Variants in SEMA6D observed in about 807,000 individuals in gnomAD.
SEMA6D encodes semaphorin 6D.
Under a neutral mutation model 106.6 loss-of-function variants are expected in SEMA6D, and 35 were observed. The ratio of observed to expected loss-of-function variants is 0.33; its 90% CI spans 0.25 to 0.44. The LOEUF is 0.44. SEMA6D is among the 20% of genes least tolerant of loss of function. SEMA6D has a pLI of 1.00. For synonymous variants in SEMA6D, 499 were observed against 487.7 expected (o/e 1.02, Z -0.31); for missense variants, 1,185 against 1,345.9 (o/e 0.88, Z 1.87).
At chr15:47,209,921 C>T (rs1486134803) in intron 1 of SEMA6D, among the ~76,000 whole-genome samples, 2 of 152,316 alleles carry the variant, frequency 1.3e-5, no homozygotes, top group Non-Finnish European at 2.9e-5. Flanking sequence ...GAATGACCAG[C>T]AGTTCTTGTA....
At chr15:47,729,272 A>T (rs1244589284) in intron 1 of SEMA6D, among the ~76,000 whole-genome samples, 1 of 152,248 alleles carries the variant, frequency 6.6e-6, no homozygotes, top group Non-Finnish European at 1.5e-5. Context: ...GTAACAACAC[A>T]AACATTGACC....
chr15:47,215,053 C>G (rs959874335), intron 1 of SEMA6D, among the ~76,000 whole-genome samples: 1 of 151,358 alleles, frequency 6.6e-6, no homozygotes, highest in African/African-American at 2.4e-5. Context: ...CAGACCTAAG[C>G]TTCATTCTAG....
intron 1 of SEMA6D, among the ~76,000 whole-genome samples, chr15:47,288,051 C>A (rs2035447494): frequency 2.6e-5 from 4 of 152,102 alleles, no homozygotes; most frequent in Admixed American, 6.5e-5. Context: ...ATGATCAGAT[C>A]TTTTGTGAAG....
At chr15:47,374,242 G>A (rs1443685012) in intron 1 of SEMA6D, among the ~76,000 whole-genome samples, 1 of 152,200 alleles carries the variant, frequency 6.6e-6, no homozygotes, top group Non-Finnish European at 1.5e-5. Flanking sequence ...ACAATGGGAT[G>A]AGAATCCACA....
chr15:47,589,989 TG>T (rs2076409065), intron 3 of SEMA6D, among the ~76,000 whole-genome samples: 1 of 152,180 alleles, frequency 6.6e-6, no homozygotes, highest in Non-Finnish European at 1.5e-5. Flanking sequence ...TGGGCTGAAT[TG>T]TTTTCCTCCA....
At chr15:47,437,216 A>T (rs76682119) in intron 2 of SEMA6D, among the ~76,000 whole-genome samples, 1,543 of 152,046 alleles carry the variant, frequency 0.01, 27 homozygotes, top group African/African-American at 0.035. Context: ...GCCTAATCCA[A>T]ATTGTATTAT....
At chr15:47,354,894 C>T (rs983205357) in intron 1 of SEMA6D, among the ~76,000 whole-genome samples, 1 of 152,048 alleles carries the variant, frequency 6.6e-6, no homozygotes, top group Non-Finnish European at 1.5e-5. Flanking sequence ...TGTCTTCAGC[C>T]CTACGGGACA....
At chr15:47,629,287 G>A (rs1388805778) in intron 4 of SEMA6D, among the ~76,000 whole-genome samples, 1 of 151,584 alleles carries the variant, frequency 6.6e-6, no homozygotes, top group African/African-American at 2.4e-5. Flanking sequence ...AAATTTTAGA[G>A]TAAGCTTATC....
At chr15:47,367,597 G>C (rs2039079252) in intron 1 of SEMA6D, among the ~76,000 whole-genome samples, 1 of 151,912 alleles carries the variant, frequency 6.6e-6, no homozygotes, top group Non-Finnish European at 1.5e-5. Context: ...ATTTTGAAGG[G>C]AAATGGTGGA....
intron 9 of SEMA6D, 25 bp downstream of exon 9, chr15:47,763,129 T>C (rs758974199): frequency 6.4e-7 from 1 of 1,556,844 alleles, no homozygotes; most frequent in Non-Finnish European, 8.8e-7. Flanking sequence ...TTGGCTTGAA[T>C]TGTGGACTTG....
chr15:47,582,692 G>A (rs2076275388), intron 3 of SEMA6D, among the ~76,000 whole-genome samples: 2 of 152,108 alleles, frequency 1.3e-5, no homozygotes, highest in South Asian at 4.1e-4. Context: ...GGAGACGGTG[G>A]GTGATGAGGT....
At chr15:47,521,780 T>C (rs2044587882) in intron 3 of SEMA6D, among the ~76,000 whole-genome samples, 1 of 152,092 alleles carries the variant, frequency 6.6e-6, no homozygotes, top group African/African-American at 2.4e-5. Flanking sequence ...GGTCAGGAGA[T>C]TGAGACCATC....
chr15:47,280,260 G>T lies in SEMA6D; in HGVS notation c.-239+95842G>T, dbSNP rs1308428919. On this transcript the variant is annotated intron_variant, in intron 1 of 19. Transcript: ENST00000558014. ...TTCTTCCTGGCTTAGTCTTGGGAGA[G>T]TGTATGTGTAGAGGAATTTATCCAT... Among the ~76,000 whole-genome samples the T allele has an allele frequency of 2.0e-5, 3 of 152,230 alleles. No homozygotes were observed. In the South Asian group the frequency reaches 6.2e-4, roughly 32 times the overall value.
Position 47,594,168 on chromosome 15 carries a change from A to G in SEMA6D, c.-86-6697A>G, listed in dbSNP as rs150802029. The stretch of plus-strand genomic sequence containing the variant: ...TATGAAAGATAATATTTGTTTCTCT[A>G]CAGAACTGAAATCACTATTATAGAA... On this transcript the variant is annotated intron_variant, in intron 3 of 19. Transcript: ENST00000558014. Among the ~76,000 whole-genome samples the G allele has an allele frequency of 1.4e-4, 22 of 152,354 alleles. No individual in the cohort carries two copies. In the East Asian group the frequency reaches 4.0e-3, roughly 28 times the overall value.
intron 4 of SEMA6D, among the ~76,000 whole-genome samples, chr15:47,651,230 C>T (rs1366681591): frequency 6.6e-6 from 1 of 152,030 alleles, no homozygotes; most frequent in African/African-American, 2.4e-5. Flanking sequence ...AGCAACAGAG[C>T]AAGATCCCAT....
chr15:47,343,669 G>T (rs2037923079), intron 1 of SEMA6D, among the ~76,000 whole-genome samples: 1 of 152,058 alleles, frequency 6.6e-6, no homozygotes, highest in Non-Finnish European at 1.5e-5. Flanking sequence ...TGGGATATTT[G>T]GGTTGGTTCC....
chr15:47,253,539 G>A (rs1457694581), intron 1 of SEMA6D, among the ~76,000 whole-genome samples: 1 of 152,088 alleles, frequency 6.6e-6, no homozygotes, highest in Non-Finnish European at 1.5e-5. Flanking sequence ...TTTTGTATAA[G>A]GTAAGAAATA....
intron 1 of SEMA6D, among the ~76,000 whole-genome samples, chr15:47,191,379 A>G (rs964644531): frequency 2.0e-5 from 3 of 152,162 alleles, no homozygotes; most frequent in Non-Finnish European, 1.5e-5. Flanking sequence ...CATGGAAGTG[A>G]ATACTAGCGT....
intron 1 of SEMA6D, among the ~76,000 whole-genome samples, chr15:47,729,900 G>A (rs1230874114): frequency 2.0e-5 from 3 of 152,336 alleles, no homozygotes; most frequent in Non-Finnish European, 2.9e-5. Flanking sequence ...TGAACTGTTA[G>A]ACAACCAGAT....
Sources: gnomAD v4.1 joint callset for allele counts (sites outside exome capture counted in the v4.1 genomes callset) on GRCh38, gnomAD v4.1.1 for gene constraint, MANE v1.5 for transcripts, NCBI Gene and HGNC (gene_info 2026-07-23, HGNC 2026-07-21) for gene names.